The following ZNF148 variants were observed in gnomAD, a reference collection of about 807,000 sequenced individuals.
The protein encoded by ZNF148 is Beta-Enolase Repressor Factor-1.
ZNF148 carries 7 observed loss-of-function variants against 67.7 expected under a neutral mutation model. That is an observed-to-expected ratio of 0.10 (90% CI 0.06 to 0.19). The LOEUF (loss-of-function observed/expected upper bound fraction) is 0.19. ZNF148 is among the 10% of genes least tolerant of loss of function. The probability of loss-of-function intolerance (pLI) is 1.00; values close to 1 mark genes in which losing one functional copy is unlikely to be tolerated. For synonymous variants in ZNF148, 333 were observed against 330.7 expected (o/e 1.01, Z -0.08); for missense variants, 583 against 947.1 (o/e 0.62, Z 5.05).
chr3:125,248,390 C>T (rs971453194), intron 7 of ZNF148, among the ~76,000 whole-genome samples: 1 of 152,138 alleles, frequency 6.6e-6, no homozygotes, highest in Non-Finnish European at 1.5e-5. Context: ...ACATTAAGCC[C>T]ATAATGGACT....
At chr3:125,346,953 T>G (rs891913246) in intron 1 of ZNF148, among the ~76,000 whole-genome samples, 5 of 152,078 alleles carry the variant, frequency 3.3e-5, no homozygotes, top group Non-Finnish European at 7.4e-5. Flanking sequence ...ATCATATATA[T>G]AGAAAACCCT....
intron 2 of ZNF148, among the ~76,000 whole-genome samples, chr3:125,324,062 G>T (rs1159219195): frequency 1.3e-5 from 2 of 151,926 alleles, no homozygotes; most frequent in African/African-American, 2.4e-5. Flanking sequence ...AACCTAAAAG[G>T]TTAGAAAAAA....
At chr3:125,258,177 C>A (rs2107565123) in intron 7 of ZNF148, among the ~76,000 whole-genome samples, 1 of 152,038 alleles carries the variant, frequency 6.6e-6, no homozygotes, top group Non-Finnish European at 1.5e-5. Flanking sequence ...AATCCCAGAA[C>A]TTTGGGAGGC....
intron 7 of ZNF148, among the ~76,000 whole-genome samples, chr3:125,264,754 C>G (rs1302861931): frequency 6.6e-6 from 1 of 152,296 alleles, no homozygotes; most frequent in Non-Finnish European, 1.5e-5. Flanking sequence ...GTCTTCAGGT[C>G]TTTTTCAGAA....
chr3:125,265,655 T>C (rs1449800094), intron 7 of ZNF148, among the ~76,000 whole-genome samples: 1 of 152,166 alleles, frequency 6.6e-6, no homozygotes, highest in Non-Finnish European at 1.5e-5. Context: ...AACTAAAAGT[T>C]AGATGAAGTG....
At chr3:125,352,544 C>T (rs576393416) in intron 1 of ZNF148, among the ~76,000 whole-genome samples, 3 of 151,756 alleles carry the variant, frequency 2.0e-5, no homozygotes, top group African/African-American at 7.3e-5. Flanking sequence ...ATAAGTTATA[C>T]CTCAATAACA....
At chr3:125,326,346 T>C (rs1941016852) in intron 2 of ZNF148, among the ~76,000 whole-genome samples, 1 of 152,070 alleles carries the variant, frequency 6.6e-6, no homozygotes, top group African/African-American at 2.4e-5. Context: ...TTATAATATA[T>C]ACAGATGTAT....
chr3:125,247,754 G>A (rs1936663806), intron 7 of ZNF148, among the ~76,000 whole-genome samples: 1 of 152,072 alleles, frequency 6.6e-6, no homozygotes, highest in Admixed American at 6.6e-5. Flanking sequence ...AAACTGTTTC[G>A]TGGCTTCCAC....
rs1938235380 is a variant in ZNF148, at chr3:125,279,162, G to A, written c.545C>T (p.Thr182Met). The A allele has an allele frequency of 6.2e-7, 1 of 1,608,288 alleles. No individual in the cohort carries two copies. ...GACATGTCTCTGTAAGTGATAGTTCGTTCTAAAGGCAGCATTGCAGTGCTC... is the reference window on the plus strand; with the variant it reads ...GACATGTCTCTGTAAGTGATAGTTCATTCTAAAGGCAGCATTGCAGTGCTC... ...VCEHCNAAFR[T>M]NYHLQRHVFI... The change falls in exon 6 of 9, where the codon ACG becomes ATG. Residue 182 changes from threonine (T) to methionine (M), a missense_variant. Thr to Met is a moderately conservative substitution (Grantham distance 81, BLOSUM62 -1). Coordinates refer to ENST00000360647, the MANE Select transcript of ZNF148 (RefSeq NM_021964.3).
At chr3:125,293,137 T>C (rs1939106482) in intron 4 of ZNF148, among the ~76,000 whole-genome samples, 1 of 152,216 alleles carries the variant, frequency 6.6e-6, no homozygotes, top group Non-Finnish European at 1.5e-5. Flanking sequence ...TGGTAAATAC[T>C]GATACATATA....
intron 1 of ZNF148, among the ~76,000 whole-genome samples, chr3:125,363,863 G>C (rs1003533463): frequency 6.6e-6 from 1 of 151,924 alleles, no homozygotes; most frequent in Admixed American, 6.6e-5. Context: ...TGCCTAGGCT[G>C]GTCTCAAACT....
intron 1 of ZNF148, among the ~76,000 whole-genome samples, chr3:125,341,351 G>A (rs1231735351): frequency 6.7e-6 from 1 of 150,172 alleles, no homozygotes; most frequent in East Asian, 1.9e-4. Flanking sequence ...AGCTGCAGTA[G>A]CTCACACCTG....
At chr3:125,368,625 T>C (rs1039726411) in intron 1 of ZNF148, among the ~76,000 whole-genome samples, 5 of 152,228 alleles carry the variant, frequency 3.3e-5, no homozygotes, top group African/African-American at 1.2e-4. Context: ...CCATTCAGAA[T>C]AAGATTATAC....
At chr3:125,319,527 T>A (rs1940676743) in intron 3 of ZNF148, among the ~76,000 whole-genome samples, 1 of 152,182 alleles carries the variant, frequency 6.6e-6, no homozygotes, top group Non-Finnish European at 1.5e-5. Context: ...AAAAAAATGC[T>A]TGCTGAGGTT....
intron 1 of ZNF148, among the ~76,000 whole-genome samples, chr3:125,337,838 ATG>A (rs1665951716): frequency 6.6e-6 from 1 of 152,148 alleles, no homozygotes; most frequent in Non-Finnish European, 1.5e-5. Context: ...ACAGCAGTTC[ATG>A]CCTATAATCC....
At chr3:125,338,178 T>C (rs2107727389) in intron 1 of ZNF148, among the ~76,000 whole-genome samples, 1 of 152,142 alleles carries the variant, frequency 6.6e-6, no homozygotes, top group African/African-American at 2.4e-5. Context: ...ACACCACAGG[T>C]AAGGTCATTT....
chr3:125,290,671 G>A (rs1304702268), intron 4 of ZNF148, among the ~76,000 whole-genome samples: 1 of 152,104 alleles, frequency 6.6e-6, no homozygotes, highest in Non-Finnish European at 1.5e-5. Context: ...ATTGTAATAT[G>A]TGCAAAGTGC....
chr3:125,365,580 A>C (rs1428747608), intron 1 of ZNF148, among the ~76,000 whole-genome samples: 6 of 152,128 alleles, frequency 3.9e-5, no homozygotes, highest in African/African-American at 1.4e-4. Flanking sequence ...CACTTTGGGA[A>C]GCTGAGGGAG....
intron 1 of ZNF148, among the ~76,000 whole-genome samples, chr3:125,364,466 TG>T (rs983856928): frequency 3.3e-5 from 5 of 151,920 alleles, no homozygotes; most frequent in African/African-American, 1.2e-4. Context: ...AAATACACTG[TG>T]GTATATTCAT....
Sources: gnomAD v4.1 joint callset for allele counts (sites outside exome capture counted in the v4.1 genomes callset) on GRCh38, gnomAD v4.1.1 for gene constraint, MANE v1.5 for transcripts, NCBI Gene and HGNC (gene_info 2026-07-23, HGNC 2026-07-21) for gene names.